Variants in HCFC2 observed in about 807,000 individuals in gnomAD.
HCFC2 encodes host cell factor C2, also known as host cell factor 2.
HCFC2 carries 18 observed loss-of-function variants against 89.2 expected under a neutral mutation model. The observed-to-expected ratio is 0.20, with a 90% confidence interval of 0.14 to 0.30. The LOEUF (loss-of-function observed/expected upper bound fraction) is 0.30. HCFC2 is among the 10% of genes least tolerant of loss of function. The pLI is 1.00. For missense variants in HCFC2, 578 were observed against 956.1 expected (o/e 0.60, Z 5.21); for synonymous variants, 308 against 335.7 (o/e 0.92, Z 0.90).
chr12:104,087,305 G>A (rs1423977911), intron 8 of HCFC2, among the ~76,000 whole-genome samples: 1 of 148,480 alleles, frequency 6.7e-6, no homozygotes, highest in African/African-American at 2.5e-5. Flanking sequence ...AGTGAGCTGA[G>A]ATCATGCCAC....
chr12:104,080,439 A>G (rs1190585150), intron 4 of HCFC2: 2 of 226,778 alleles, frequency 8.8e-6, no homozygotes, highest in Admixed American at 5.4e-5. Flanking sequence ...TTTAGGGAAT[A>G]ATGACAAAAA....
At position 104,095,880 on chromosome 12, in the gene HCFC2, T is replaced by C. The variant is rs1884161610; in HGVS notation, c.1666+317T>C. 6.6e-6 allele frequency among the ~76,000 whole-genome samples: 1 copy of C among 152,210 alleles called. No individual in the cohort carries two copies. Among genetic ancestry groups the C allele is most frequent in the South Asian group, 2.1e-4 (1 of 4,838 alleles). ...TCATTTAAAATTATTTTATAAAATA[T>C]TCTCTGCATAAAATATTTAGATTAG... On this transcript the variant is annotated intron_variant, in intron 11 of 14. Coordinates refer to ENST00000229330, the MANE Select transcript of HCFC2 (RefSeq NM_013320.3). This position sits in a 1 kb window ranked among gnomAD's most constrained non-coding sequence, Gnocchi z 4.2.
At chr12:104,071,576 C>CTATTTTATTT (rs1208872384) in intron 3 of HCFC2, among the ~76,000 whole-genome samples, 1 of 150,990 alleles carries the variant, frequency 6.6e-6, no homozygotes, top group African/African-American at 2.5e-5. Context: ...ACAGACCTAA[C>CTATTTTATTT]TATTTTATTT....
intron 9 of HCFC2, among the ~76,000 whole-genome samples, chr12:104,091,529 T>C (rs1287741944): frequency 2.6e-5 from 4 of 152,248 alleles, no homozygotes; most frequent in Non-Finnish European, 4.4e-5. Context: ...CAAAAATTCC[T>C]TTTTTGTCAT....
rs774982958 is a variant in HCFC2 at position 104,064,635 on chromosome 12, A to G, written c.75A>G (p.Gly25=). ...FTGPVPRARH[G]HRAVAIRELM... ...GGCCGGTCCCCCGCGCCCGGCACGG[A>G]CACCGAGCGGTGGCCATCCGGGAGC... The change falls in exon 1 of 15, where the codon GGA becomes GGG. Residue 25 remains glycine, a synonymous_variant. Coordinates refer to ENST00000229330, the MANE Select transcript of HCFC2 (RefSeq NM_013320.3). This position sits in a 1 kb window ranked among gnomAD's most constrained non-coding sequence, Gnocchi z 7.3. 1 of 1,581,048 alleles carries G rather than the reference A, an allele frequency of 6.3e-7. No individual in the cohort carries two copies. The highest frequency in any genetic ancestry group is 1.1e-5 in the South Asian group (1 of 87,570).
At chr12:104,093,647 G>T in intron 10 of HCFC2, 84 bp downstream of exon 10, 1 of 1,248,718 alleles carries the variant, frequency 8.0e-7, no homozygotes, top group South Asian at 1.4e-5. Flanking sequence ...ATGTTGTACA[G>T]TTTTGATCCA....
At position 104,082,624 on chromosome 12, in the gene HCFC2, T is replaced by C; in HGVS notation, c.874+18T>C. On this transcript the variant is annotated intron_variant, in intron 6 of 14. Coordinates refer to ENST00000229330, the MANE Select transcript of HCFC2 (RefSeq NM_013320.3). ...AAATCTGGGTGAGTCTTTTAAGAGT[T>C]ACTCATTGAATTAATCTTTATTAAT... 6.3e-7 allele frequency: 1 copy of C among 1,580,432 alleles called. No individual in the cohort carries two copies. Among genetic ancestry groups the C allele is most frequent in the Middle Eastern group, 1.7e-4 (1 of 5,976 alleles).
At chr12:104,081,219 A>C (rs2136608707) in intron 5 of HCFC2, among the ~76,000 whole-genome samples, 1 of 152,342 alleles carries the variant, frequency 6.6e-6, no homozygotes, top group East Asian at 1.9e-4. Flanking sequence ...GTTAGAATAC[A>C]AACTCTGTGA....
At chr12:104,076,546 T>C (rs1373313752) in intron 3 of HCFC2, among the ~76,000 whole-genome samples, 1 of 152,260 alleles carries the variant, frequency 6.6e-6, no homozygotes, top group Non-Finnish European at 1.5e-5. Context: ...GTTTTAATAT[T>C]ATCCTTGATT....
At chr12:104,098,219 G>C in intron 12 of HCFC2, 124 bp from the exon 13 acceptor site, 1 of 655,608 alleles carries the variant, frequency 1.5e-6, no homozygotes, top group Non-Finnish European at 2.5e-6. Flanking sequence ...TTACTTATGA[G>C]TTGTTAATGT....
rs1370517732 is a variant in HCFC2 at position 104,087,991 on chromosome 12, A to G, written c.1237A>G (p.Arg413Gly). ...AACCTTTCTCATTCCTTCAGGAGTC[A>G]GGATGGACCCTCACAGACAAGGCAG... The part of the protein sequence containing the change: ...SSAAPNMQGV[R>G]MDPHRQGSNN... Residue 413 changes from arginine (R) to glycine (G), a missense_variant, in exon 9 of 15, where the codon AGG becomes GGG. Physicochemically the swap from Arg to Gly is moderately radical, Grantham distance 125. Coordinates refer to ENST00000229330, the MANE Select transcript of HCFC2 (RefSeq NM_013320.3). 7.5e-6 allele frequency: 12 copies of G among 1,603,234 alleles called. No homozygotes were observed. In the East Asian group the frequency reaches 2.7e-4, roughly 36 times the overall value.
At chr12:104,087,433 G>GTGTA (rs1566232334) in intron 8 of HCFC2, among the ~76,000 whole-genome samples, 1 of 85,508 alleles carries the variant, frequency 1.2e-5, no homozygotes, top group Non-Finnish European at 2.7e-5. Flanking sequence ...GTGTGTGTGT[G>GTGTA]TGTGTGTGTA....
At chr12:104,097,130 T>G (rs76730486) in intron 12 of HCFC2, among the ~76,000 whole-genome samples, 8,154 of 151,588 alleles carry the variant, frequency 0.054, 220 homozygotes, top group South Asian at 0.11. Context: ...ACTTTTGAGG[T>G]TTTTTTTTGT....
At chr12:104,073,112 T>A (rs1883381051) in intron 3 of HCFC2, among the ~76,000 whole-genome samples, 1 of 151,956 alleles carries the variant, frequency 6.6e-6, no homozygotes, top group South Asian at 2.1e-4. Context: ...TAGGAGTTCT[T>A]TACATATATA....
Position 104,082,736 on chromosome 12 carries a change from G to C in HCFC2, c.898G>C (p.Val300Leu). 6.2e-7 allele frequency: 1 copy of C among 1,613,488 alleles called. No homozygotes were observed. The highest frequency in any genetic ancestry group is 2.2e-5 in the East Asian group (1 of 44,868). ...NLDTTEWTTL[V>L]SDSQEDKKNS... ...AGATACAACAGAGTGGACCACCCTA[G>C]TATCAGATTCTCAGGAAGATAAAAA... The change falls in exon 7 of 15, where the codon GTA (valine) becomes CTA (leucine). Residue 300 changes from valine to leucine, a missense_variant. Val to Leu is a conservative substitution (Grantham distance 32). This residue lies in a region of HCFC2 where 206 missense variants were observed against 419.2 expected (regional missense o/e 0.49). Transcript: ENST00000229330.
rs1331186118 is a variant in HCFC2, at chr12:104,103,461, T to C, written c.*188T>C. On this transcript the variant is annotated 3_prime_UTR_variant, in exon 15 of 15. Transcript: ENST00000229330. ...TAAAAGAAAAGAAGCAAAGACTCTCTGAAAATTAGTATATGAGTTCTTCCT... is the reference window on the plus strand; with the variant it reads ...TAAAAGAAAAGAAGCAAAGACTCTCCGAAAATTAGTATATGAGTTCTTCCT... 1.8e-6 allele frequency: 1 copy of C among 557,382 alleles called. No homozygotes were observed. The highest frequency in any genetic ancestry group is 1.9e-5 in the African/African-American group (1 of 53,138). 34.5% of individuals were successfully genotyped at this position (557,382 alleles called of 1,614,324 possible).
Position 104,074,609 on chromosome 12 carries a change from A to G in HCFC2, c.474-4836A>G, listed in dbSNP as rs937055344. Reference sequence around the variant, plus strand: ...GTGAATTATTTTAATTAATTAATTGAGGTTCTGAAATATGAGCCACCTTTT... The same window carrying G: ...GTGAATTATTTTAATTAATTAATTGGGGTTCTGAAATATGAGCCACCTTTT... On this transcript the variant is annotated intron_variant, in intron 3 of 14. Coordinates refer to ENST00000229330, the MANE Select transcript of HCFC2 (RefSeq NM_013320.3). Among the ~76,000 whole-genome samples the G allele has an allele frequency of 3.9e-5, 6 of 152,300 alleles. No individual in the cohort carries two copies. The South Asian group carries it at 1.2e-3, about 32-fold the overall frequency.
At position 104,098,353 on chromosome 12, in the gene HCFC2, C is replaced by T. The variant is rs1343070546; in HGVS notation, c.1751C>T (p.Pro584Leu). The change falls in exon 13 of 15, where the codon CCT (proline) becomes CTT (leucine). Residue 584 changes from proline to leucine, a missense_variant. Transcript: ENST00000229330. ...TTTCTCTGAAATTAGAAAGAGACTC[C>T]TTCAAATCCAGTGGCCACAGTGAAA... is the stretch of plus-strand genomic sequence containing the variant. ...ATATPFSKET[P>L]SNPVATVKAG... 1 of 1,593,940 alleles carries T rather than the reference C, an allele frequency of 6.3e-7. No individual in the cohort carries two copies. Among genetic ancestry groups the T allele is most frequent in the African/African-American group, 1.4e-5 (1 of 73,382 alleles).
At chr12:104,092,339 G>A (rs543523093) in intron 9 of HCFC2, among the ~76,000 whole-genome samples, 1 of 152,192 alleles carries the variant, frequency 6.6e-6, no homozygotes, top group East Asian at 1.9e-4. Context: ...GCTGGTGTGT[G>A]CCTGTAGCCC....
Sources: allele counts gnomAD v4.1 joint callset (sites outside exome capture counted in the v4.1 genomes callset), GRCh38; gene constraint gnomAD v4.1.1; regional missense constraint gnomAD v4.1.1; non-coding constraint Gnocchi (gnomAD v3.1); transcripts MANE v1.5; gene names NCBI Gene and HGNC (gene_info 2026-07-23, HGNC 2026-07-21).